CCNY: variants seen among roughly 807,000 people sequenced by gnomAD.
The protein encoded by CCNY is cyclin-Y.
In CCNY, 19 loss-of-function variants were observed where a neutral mutation model predicts 42.8. The observed-to-expected ratio is 0.44, with a 90% CI of 0.31 to 0.65. The LOEUF (loss-of-function observed/expected upper bound fraction) is 0.65. Ranked by LOEUF, CCNY falls within the 30% of genes least tolerant of loss-of-function variation. The pLI is 0.07. For missense variants in CCNY, 370 were observed against 437.3 expected, an observed-to-expected ratio of 0.85 and a Z score of 1.37; for synonymous variants, 165 against 162.7, an observed-to-expected ratio of 1.01 and a Z score of -0.11.
chr10:35,446,560 A>G (rs941711403), intron 1 of CCNY, among the ~76,000 whole-genome samples: 2 of 150,882 alleles, frequency 1.3e-5, no homozygotes, highest in African/African-American at 4.9e-5. Flanking sequence ...GGATAGTGTG[A>G]ATTTGGACAT....
At chr10:35,483,165 G>A (rs1026272475) in intron 1 of CCNY, among the ~76,000 whole-genome samples, 7 of 152,134 alleles carry the variant, frequency 4.6e-5, no homozygotes, top group Non-Finnish European at 8.8e-5. Flanking sequence ...AGGAGAAAGT[G>A]GAGTTTTTCT....
chr10:35,516,660 C>CATTTT (rs1840433229), intron 4 of CCNY, 37 bp downstream of exon 4: 3 of 533,900 alleles, frequency 5.6e-6, no homozygotes, highest in Non-Finnish European at 5.7e-6. Flanking sequence ...TTCCTTCCTT[C>CATTTT]CTTTTTTTTT....
chr10:35,483,357 A>T, intron 1 of CCNY, 47 bp from the exon 2 acceptor site: 1 of 1,222,358 alleles, frequency 8.2e-7, no homozygotes, highest in Non-Finnish European at 1.2e-6. Flanking sequence ...GATTCCTCTT[A>T]GTTATCAGAT....
At chr10:35,412,270 T>C (rs1377747195) in intron 1 of CCNY, among the ~76,000 whole-genome samples, 1 of 152,180 alleles carries the variant, frequency 6.6e-6, no homozygotes, top group Non-Finnish European at 1.5e-5. Flanking sequence ...CTACAGCAGA[T>C]GGAGATTCAG....
intron 3 of CCNY, among the ~76,000 whole-genome samples, chr10:35,307,452 T>C (rs191907886): frequency 7.2e-5 from 11 of 152,306 alleles, no homozygotes; most frequent in African/African-American, 2.4e-4. Flanking sequence ...ATGTTAGAGC[T>C]TGCAAGTTGT....
At chr10:35,385,462 T>C (rs1217729545) in intron 1 of CCNY, among the ~76,000 whole-genome samples, 1 of 152,202 alleles carries the variant, frequency 6.6e-6, no homozygotes, top group Non-Finnish European at 1.5e-5. Flanking sequence ...ACCACTTTAG[T>C]TTTTATTTGT....
chr10:35,490,405 A>C (rs981271482), intron 2 of CCNY, among the ~76,000 whole-genome samples: 4 of 152,232 alleles, frequency 2.6e-5, no homozygotes, highest in African/African-American at 9.6e-5. Context: ...AATTCACATA[A>C]CATGTTAATG....
chr10:35,344,426 T>C (rs1190761754), intron 1 of CCNY, among the ~76,000 whole-genome samples: 1 of 152,180 alleles, frequency 6.6e-6, no homozygotes, highest in Non-Finnish European at 1.5e-5. Flanking sequence ...GCGCCGTGGC[T>C]CATGCCTGTA....
At chr10:35,278,935 G>T (rs1452386377) in intron 3 of CCNY, among the ~76,000 whole-genome samples, 2 of 151,948 alleles carry the variant, frequency 1.3e-5, no homozygotes, top group Admixed American at 1.3e-4. Context: ...CTTCTCTATT[G>T]GCCCATTCTC....
intron 3 of CCNY, among the ~76,000 whole-genome samples, chr10:35,321,688 A>G (rs1835824118): frequency 6.6e-6 from 1 of 152,204 alleles, no homozygotes; most frequent in Non-Finnish European, 1.5e-5. Context: ...AAAAAAAAGA[A>G]AATCCCAGCA....
chr10:35,336,479 G>A (rs1836029187), upstream of CCNY: 1 of 151,074 alleles, frequency 6.6e-6, no homozygotes, highest in African/African-American at 2.4e-5. Flanking sequence ...CGGCGAGGGC[G>A]GGCGCCGCTG....
At chr10:35,517,244 C>T (rs1274767863) in intron 4 of CCNY, among the ~76,000 whole-genome samples, 1 of 152,086 alleles carries the variant, frequency 6.6e-6, no homozygotes, top group Non-Finnish European at 1.5e-5. Context: ...AACTTCTTTC[C>T]CTTACGGTGC....
At chr10:35,431,488 T>C (rs1425951948) in intron 1 of CCNY, among the ~76,000 whole-genome samples, 2 of 142,508 alleles carry the variant, frequency 1.4e-5, no homozygotes, top group Non-Finnish European at 3.1e-5. Context: ...CTCACACCAC[T>C]CTGTGTGTGG....
chr10:35,289,186 T>C (rs1835385425), intron 3 of CCNY, among the ~76,000 whole-genome samples: 2 of 152,176 alleles, frequency 1.3e-5, no homozygotes, highest in African/African-American at 4.8e-5. Flanking sequence ...TAATATTTAC[T>C]TTCTAATTAT....
At chr10:35,472,675 G>T (rs1313632208) in intron 1 of CCNY, among the ~76,000 whole-genome samples, 1 of 152,172 alleles carries the variant, frequency 6.6e-6, no homozygotes, top group East Asian at 1.9e-4. Context: ...ATATACTCGT[G>T]ACATCTAATG....
At chr10:35,523,526 C>T (rs1234010691) in intron 4 of CCNY, among the ~76,000 whole-genome samples, 1 of 152,134 alleles carries the variant, frequency 6.6e-6, no homozygotes, top group African/African-American at 2.4e-5. Context: ...CTGGTGGTCT[C>T]ACTTCTGGGA....
At chr10:35,318,745 A>G (rs1398959241) in intron 3 of CCNY, among the ~76,000 whole-genome samples, 1 of 152,070 alleles carries the variant, frequency 6.6e-6, no homozygotes, top group Non-Finnish European at 1.5e-5. Context: ...TAGAACAATA[A>G]TGATGATTCA....
chr10:35,460,987 G>T (rs913330407), intron 1 of CCNY, among the ~76,000 whole-genome samples: 5 of 152,152 alleles, frequency 3.3e-5, no homozygotes, highest in Middle Eastern at 3.2e-3. Flanking sequence ...GGGATGTGAA[G>T]AGTGGGGAGC....
chr10:35,363,386 TG>T (rs371983037), intron 1 of CCNY, among the ~76,000 whole-genome samples: 10 of 127,404 alleles, frequency 7.8e-5, no homozygotes, highest in African/African-American at 3.1e-4. Context: ...CCCAGGTGGT[TG>T]GGGGGCCGGG....
Sources: allele counts gnomAD v4.1 joint callset (sites outside exome capture counted in the v4.1 genomes callset), GRCh38; gene constraint gnomAD v4.1.1; transcripts MANE v1.5; gene names NCBI Gene and HGNC (gene_info 2026-07-23, HGNC 2026-07-21).